Variants in CLEC16A observed in about 807,000 individuals in gnomAD.
CLEC16A encodes the protein protein CLEC16A.
In CLEC16A, 51 loss-of-function variants were observed where a neutral mutation model predicts 109.5. The observed-to-expected ratio is 0.47, with a 90% CI of 0.37 to 0.59. CLEC16A has a LOEUF of 0.59. CLEC16A is among the 20% of genes least tolerant of loss of function. The pLI, the probability that CLEC16A is intolerant of heterozygous loss-of-function variation, is 0.00. For synonymous variants in CLEC16A, 673 were observed against 564.2 expected, an observed-to-expected ratio of 1.19 and a Z score of -2.73; for missense variants, 1,339 against 1,394.0, an observed-to-expected ratio of 0.96 and a Z score of 0.63.
chr16:11,152,416 G>A (rs1203513623), intron 22 of CLEC16A, among the ~76,000 whole-genome samples: 3 of 152,188 alleles, frequency 2.0e-5, no homozygotes, highest in African/African-American at 7.2e-5. Flanking sequence ...TTGTTTTCTG[G>A]AGAGATTTGG....
At chr16:11,043,964 G>C in intron 15 of CLEC16A, 64 bp from the exon 16 acceptor site, 1 of 1,347,742 alleles carries the variant, frequency 7.4e-7, no homozygotes, top group East Asian at 2.4e-5. Flanking sequence ...AGAATTCGTA[G>C]TTTGCCCGAC....
intron 10 of CLEC16A, among the ~76,000 whole-genome samples, chr16:10,986,628 C>A (rs760324710): frequency 6.6e-6 from 1 of 152,006 alleles, no homozygotes. Flanking sequence ...TAAGTAGAAT[C>A]GTGCAGCATT....
chr16:10,972,877 TAATCTTCCCCAAG>T, intron 6 of CLEC16A, 48 bp from the exon 7 acceptor site: 2 of 1,507,374 alleles, frequency 1.3e-6, no homozygotes, highest in East Asian at 2.3e-5. Context: ...GTTTTTTTTT[TAATCTTCCCCAAG>T]TTATTTTTGG....
chr16:10,973,980 C>T (rs1021543750), intron 7 of CLEC16A, among the ~76,000 whole-genome samples: 2 of 142,504 alleles, frequency 1.4e-5, no homozygotes, highest in Non-Finnish European at 3.0e-5. Flanking sequence ...GCTCACTGCA[C>T]CTCTGCCTCC....
intron 13 of CLEC16A, among the ~76,000 whole-genome samples, chr16:11,025,350 G>T (rs2065016765): frequency 6.6e-6 from 1 of 152,198 alleles, no homozygotes; most frequent in Admixed American, 6.5e-5. Context: ...TAGACCCTGG[G>T]TGGACTTGGT....
intron 16 of CLEC16A, 34 bp downstream of exon 16, chr16:11,044,106 G>A (rs1217517237): frequency 6.3e-7 from 1 of 1,581,820 alleles, no homozygotes; most frequent in Non-Finnish European, 8.6e-7. Flanking sequence ...CAGCAGCATG[G>A]TGTGTATTGT....
At chr16:11,098,290 C>T (rs571075588) in intron 19 of CLEC16A, among the ~76,000 whole-genome samples, 6 of 152,370 alleles carry the variant, frequency 3.9e-5, no homozygotes, top group South Asian at 2.1e-4. Flanking sequence ...CTCCAAGGAA[C>T]GGCCATGTGA....
intron 13 of CLEC16A, among the ~76,000 whole-genome samples, chr16:11,038,273 C>T (rs971308936): frequency 4.6e-5 from 7 of 152,172 alleles, no homozygotes; most frequent in Non-Finnish European, 1.0e-4. Flanking sequence ...CTAAATGAAG[C>T]GTCATCTGGT....
chr16:11,003,119 G>T lies in CLEC16A; in HGVS notation c.1117G>T (p.Glu373Ter). 3.1e-6 allele frequency: 5 copies of T among 1,613,604 alleles called. No homozygotes were observed. Among genetic ancestry groups the T allele is most frequent in the Non-Finnish European group, 4.2e-6 (5 of 1,179,848 alleles). The change falls in exon 11 of 24, where the codon GAG (glutamate) becomes TAG (stop). Residue 373 changes from glutamate to a stop codon, truncating the protein, a stop_gained. Transcript: ENST00000409790. LOFTEE classifies it high-confidence loss of function. ...CTTCATTAAACCCACCGAGACACTC[G>T]AGCGGTCCCTTGAGATGAACAAGCA... ...RCFIKPTETL[E>*]RSLEMNKHKG...
chr16:11,174,220 A>G lies in CLEC16A; in HGVS notation c.2807-4115A>G, dbSNP rs1277173297. 4.3e-6 allele frequency: 2 copies of G among 468,990 alleles called. No homozygotes were observed. Among genetic ancestry groups the G allele is most frequent in the Non-Finnish European group, 4.4e-6 (1 of 226,982 alleles). The allele number at this position is 468,990 out of a possible 1,614,324, so 29.1% of individuals were successfully genotyped here. A position where few individuals can be genotyped will look rare whatever the true frequency, so the allele number is the denominator to read the frequency against. ...TCGGAGGCCGACAGTCATGGCGGCCACTGGGTTTAGTGCTCCGAACGGCAG... is the reference window on the plus strand; with the variant it reads ...TCGGAGGCCGACAGTCATGGCGGCCGCTGGGTTTAGTGCTCCGAACGGCAG... On this transcript the variant is annotated intron_variant, in intron 23 of 23. Transcript: ENST00000409790. The surrounding 1 kb of genome is among the most constrained non-coding windows in gnomAD (Gnocchi z 4.7).
In CLEC16A at chr16:11,158,118, G is replaced by A. The variant is rs74786907; in HGVS notation, c.2642-8270G>A. Among the ~76,000 whole-genome samples, 1,086 of 152,304 alleles carry A rather than the reference G, an allele frequency of 7.1e-3. 15 individuals are homozygous for A. Among genetic ancestry groups the A allele is most frequent in the African/African-American group, 0.024 (1,013 of 41,566 alleles). On this transcript the variant is annotated intron_variant, in intron 22 of 23. Coordinates refer to ENST00000409790, the MANE Select transcript of CLEC16A (RefSeq NM_015226.3). ...GCAGATCCAAGGAAGGAGCCGACAA[G>A]GGGAGAAATAAGGCCATGCACACTT...
chr16:11,100,048 A>G (rs183301066), intron 19 of CLEC16A, among the ~76,000 whole-genome samples: 53 of 152,186 alleles, frequency 3.5e-4, no homozygotes, highest in African/African-American at 1.3e-3. Flanking sequence ...GGCTCTGCCT[A>G]TGACACACTT....
chr16:10,982,846 C>G (rs1444110199), intron 9 of CLEC16A, 32 bp from the exon 10 acceptor site: 1 of 1,299,316 alleles, frequency 7.7e-7, no homozygotes, highest in Middle Eastern at 1.8e-4. Context: ...CGCACACTTT[C>G]ATGCAAATCC....
At chr16:11,049,205 A>G (rs1012771983) in intron 17 of CLEC16A, among the ~76,000 whole-genome samples, 11 of 151,894 alleles carry the variant, frequency 7.2e-5, no homozygotes, top group African/African-American at 2.4e-4. Flanking sequence ...ACGGGGTTTC[A>G]CCATGCTGGC....
chr16:10,982,159 G>T (rs547749075), intron 9 of CLEC16A, among the ~76,000 whole-genome samples: 3 of 152,204 alleles, frequency 2.0e-5, no homozygotes, highest in Non-Finnish European at 4.4e-5. Flanking sequence ...GTCTAGGCCA[G>T]CTTTGCAAGA....
At chr16:11,063,138 G>T (rs1408776859) in intron 19 of CLEC16A, among the ~76,000 whole-genome samples, 2 of 152,126 alleles carry the variant, frequency 1.3e-5, no homozygotes, top group African/African-American at 2.4e-5. Flanking sequence ...ATGGCTGTTT[G>T]TCTTTGCCCA....
chr16:10,982,643 T>G (rs1457274942), intron 9 of CLEC16A, among the ~76,000 whole-genome samples: 1 of 152,172 alleles, frequency 6.6e-6, no homozygotes, highest in African/African-American at 2.4e-5. Context: ...TTAATGCACT[T>G]CCTTCCGAGG....
intron 22 of CLEC16A, among the ~76,000 whole-genome samples, chr16:11,130,836 C>T (rs546637721): frequency 6.6e-6 from 1 of 152,354 alleles, no homozygotes; most frequent in South Asian, 2.1e-4. Flanking sequence ...TATTAGGACA[C>T]ATCTTCCGAT....
At chr16:11,146,195 C>T (rs779234079) in intron 22 of CLEC16A, among the ~76,000 whole-genome samples, 33 of 152,294 alleles carry the variant, frequency 2.2e-4, no homozygotes, top group Non-Finnish European at 4.0e-4. Context: ...CCACTCCCAG[C>T]ACTCCAGGGG....
Sources: gnomAD v4.1 joint callset for allele counts (sites outside exome capture counted in the v4.1 genomes callset) on GRCh38, gnomAD v4.1.1 for gene constraint, Gnocchi (gnomAD v3.1) non-coding constraint, MANE v1.5 for transcripts, NCBI Gene and HGNC (gene_info 2026-07-23, HGNC 2026-07-21) for gene names.